ELOVL5: variants seen among roughly 807,000 people sequenced by gnomAD.
The protein encoded by ELOVL5 is very long chain fatty acid elongase 5.
ELOVL5 carries 8 observed loss-of-function variants against 38.6 expected under a neutral mutation model. That is an observed-to-expected ratio of 0.21 (90% confidence interval 0.12 to 0.37). ELOVL5 has a LOEUF of 0.37. Among genes scored for constraint, ELOVL5 ranks in the 10% least tolerant of loss-of-function variants. ELOVL5 has a pLI of 1.00. For missense variants in ELOVL5, 280 were observed against 367.8 expected, an observed-to-expected ratio of 0.76 and a Z score of 1.95; for synonymous variants, 127 against 133.7, an observed-to-expected ratio of 0.95 and a Z score of 0.34.
At chr6:53,298,726 G>C (rs775868916) in intron 1 of ELOVL5, among the ~76,000 whole-genome samples, 1 of 152,116 alleles carries the variant, frequency 6.6e-6, no homozygotes, top group Admixed American at 6.5e-5. Context: ...CAGGGGCACT[G>C]CTGGCATTAC....
chr6:53,301,550 G>A (rs1767250169), intron 1 of ELOVL5, among the ~76,000 whole-genome samples: 2 of 152,120 alleles, frequency 1.3e-5, no homozygotes, highest in South Asian at 4.1e-4. Context: ...TTAACCAGGA[G>A]TCTCTGACCT....
At chr6:53,317,222 C>T (rs578254607) in intron 1 of ELOVL5, among the ~76,000 whole-genome samples, 12 of 152,290 alleles carry the variant, frequency 7.9e-5, no homozygotes, top group East Asian at 7.7e-4. Flanking sequence ...TGACTGAATG[C>T]TTATAAGGAA....
At chr6:53,294,751 C>T (rs1213940613) in intron 2 of ELOVL5, among the ~76,000 whole-genome samples, 2 of 152,154 alleles carry the variant, frequency 1.3e-5, no homozygotes, top group African/African-American at 4.8e-5. Context: ...AACCTCTCCC[C>T]TACTGACAGG....
chr6:53,301,168 T>C (rs1010673724), intron 1 of ELOVL5, among the ~76,000 whole-genome samples: 1 of 152,168 alleles, frequency 6.6e-6, no homozygotes, highest in African/African-American at 2.4e-5. Flanking sequence ...ATGACCTACT[T>C]TGCACAAGAT....
chr6:53,336,192 T>C (rs1048854759), intron 1 of ELOVL5, among the ~76,000 whole-genome samples: 1 of 152,226 alleles, frequency 6.6e-6, no homozygotes, highest in Non-Finnish European at 1.5e-5. Context: ...TATTGTCACG[T>C]GTAGGGTCCA....
chr6:53,335,862 C>T (rs961639124), intron 1 of ELOVL5, among the ~76,000 whole-genome samples: 2 of 152,152 alleles, frequency 1.3e-5, no homozygotes, highest in African/African-American at 4.8e-5. Flanking sequence ...GCACCATCCG[C>T]GCTTCTACTT....
At chr6:53,311,579 C>A (rs1242039864) in intron 1 of ELOVL5, among the ~76,000 whole-genome samples, 2 of 152,008 alleles carry the variant, frequency 1.3e-5, no homozygotes, top group Non-Finnish European at 2.9e-5. Flanking sequence ...TAAAAACAAC[C>A]CAAAAGTCGA....
intron 5 of ELOVL5, 25 bp from the exon 6 acceptor site, chr6:53,273,369 A>G: frequency 6.2e-7 from 1 of 1,611,284 alleles, no homozygotes; most frequent in African/African-American, 1.3e-5. Flanking sequence ...GGATTTGGGA[A>G]GGAGAATGTA....
intron 1 of ELOVL5, among the ~76,000 whole-genome samples, chr6:53,297,073 C>A (rs1228983758): frequency 2.0e-5 from 3 of 152,162 alleles, no homozygotes; most frequent in Non-Finnish European, 2.9e-5. Flanking sequence ...TCTGTCCTGA[C>A]AGCTTTCCTG....
At chr6:53,325,932 A>G (rs921962889) in intron 1 of ELOVL5, among the ~76,000 whole-genome samples, 32 of 152,228 alleles carry the variant, frequency 2.1e-4, no homozygotes, top group Non-Finnish European at 4.6e-4. Context: ...TGCTCCATAA[A>G]TATTTGTTAA....
chr6:53,314,242 T>A (rs768494478), intron 1 of ELOVL5, among the ~76,000 whole-genome samples: 14 of 152,358 alleles, frequency 9.2e-5, no homozygotes, highest in South Asian at 2.1e-4. Flanking sequence ...TTCATTTCAA[T>A]TCTCTGCAAG....
chr6:53,271,450 T>G lies in ELOVL5; in HGVS notation c.622-723A>C, dbSNP rs1002287302. ...CGGTAGTCCCAGCTACTTGGGAGGCTGAGATAGGAGAATTGCTTGAACCCA... is the reference window on the plus strand; with the variant it reads ...CGGTAGTCCCAGCTACTTGGGAGGCGGAGATAGGAGAATTGCTTGAACCCA... On this transcript the variant is annotated intron_variant, in intron 6 of 7. Coordinates refer to ENST00000304434, the MANE Select transcript of ELOVL5 (RefSeq NM_021814.5). Among the ~76,000 whole-genome samples the G allele has an allele frequency of 2.6e-5, 4 of 152,128 alleles. No individual in the cohort carries two copies. The South Asian group carries it at 8.3e-4, about 32-fold the overall frequency.
At chr6:53,302,768 T>G (rs1395854384) in intron 1 of ELOVL5, among the ~76,000 whole-genome samples, 1 of 152,202 alleles carries the variant, frequency 6.6e-6, no homozygotes, top group African/African-American at 2.4e-5. Context: ...TTGGTTTGTC[T>G]GGCTTCTAAG....
intron 1 of ELOVL5, among the ~76,000 whole-genome samples, chr6:53,348,367 C>T (rs940969554): frequency 8.6e-5 from 13 of 151,180 alleles, no homozygotes; most frequent in Non-Finnish European, 1.6e-4. Context: ...TCGCCGACTC[C>T]AAAGAAAGCG....
intron 1 of ELOVL5, among the ~76,000 whole-genome samples, chr6:53,317,758 A>T (rs531539808): frequency 3.1e-4 from 47 of 152,078 alleles, no homozygotes; most frequent in Middle Eastern, 3.4e-3. Flanking sequence ...ACAAGCCTGC[A>T]CATTGTGCAC....
In ELOVL5 at chr6:53,277,337, TA is replaced by T. The variant is rs147290691; in HGVS notation, c.247-1082del. On this transcript the variant is annotated intron_variant, in intron 3 of 7. Transcript: ENST00000304434. ...CTTCTGCTTTGTCACCTTCTACACA[TA>T]AAAAAGCACTGAGAGTTAACAGGCT... Among the ~76,000 whole-genome samples, 686 of 152,152 alleles carry T rather than the reference TA, an allele frequency of 4.5e-3. 3 individuals are homozygous for T. The highest frequency in any genetic ancestry group is 0.014 in the Middle Eastern group (4 of 294).
At chr6:53,274,127 A>C (rs1766022053) in intron 5 of ELOVL5, among the ~76,000 whole-genome samples, 1 of 152,182 alleles carries the variant, frequency 6.6e-6, no homozygotes. Context: ...AGCTGATTAA[A>C]TCTGTCCTCC....
intron 2 of ELOVL5, among the ~76,000 whole-genome samples, chr6:53,293,751 T>C (rs1306922529): frequency 6.6e-6 from 1 of 152,202 alleles, no homozygotes; most frequent in Non-Finnish European, 1.5e-5. Context: ...TCAGTCTTCC[T>C]TTCTTGCACT....
At chr6:53,287,778 C>T in intron 3 of ELOVL5, 2 of 1,255,700 alleles carry the variant, frequency 1.6e-6, no homozygotes, top group Non-Finnish European at 1.1e-6. Context: ...GCCGGAGTGC[C>T]TCCTTCTGAG....
Sources: allele counts gnomAD v4.1 joint callset (sites outside exome capture counted in the v4.1 genomes callset), GRCh38; gene constraint gnomAD v4.1.1; transcripts MANE v1.5; gene names NCBI Gene and HGNC (gene_info 2026-07-23, HGNC 2026-07-21).